Variants in NEDD4L observed in about 807,000 individuals in gnomAD.
The protein encoded by NEDD4L is E3 ubiquitin-protein ligase NEDD4-like.
NEDD4L carries 54 observed loss-of-function variants against 148.9 expected under a neutral mutation model. The ratio of observed to expected loss-of-function variants is 0.36; its 90% CI spans 0.29 to 0.45. The LOEUF is 0.45. Ranked by LOEUF, NEDD4L falls within the 20% of genes least tolerant of loss-of-function variation. The pLI is 1.00. For missense variants in NEDD4L, 856 were observed against 1,233.8 expected, an observed-to-expected ratio of 0.69 and a Z score of 4.59; for synonymous variants, 433 against 440.7, an observed-to-expected ratio of 0.98 and a Z score of 0.22.
intron 1 of NEDD4L, among the ~76,000 whole-genome samples, chr18:58,127,136 A>T (rs2031264466): frequency 6.6e-6 from 1 of 152,134 alleles, no homozygotes; most frequent in Non-Finnish European, 1.5e-5. Flanking sequence ...CTCCTGGCGG[A>T]CCAGAGCTAT....
chr18:58,220,486 GCTCCT>G lies in NEDD4L; in HGVS notation c.123-24938_123-24934del, dbSNP rs2043619965. 2.0e-5 allele frequency among the ~76,000 whole-genome samples: 3 copies of G among 152,026 alleles called. No individual in the cohort carries two copies. The South Asian group carries it at 6.2e-4, about 32-fold the overall frequency. ...TCTAGCTGAACCCTGGTGCCCACTTGCTCCTCTAAGCCTTCAGCAGTCCTCCCAGC... is the reference window on the plus strand; with the variant it reads ...TCTAGCTGAACCCTGGTGCCCACTTGCTAAGCCTTCAGCAGTCCTCCCAGC... On this transcript the variant is annotated intron_variant, in intron 2 of 30. Coordinates refer to ENST00000400345, the MANE Select transcript of NEDD4L (RefSeq NM_001144967.3).
intron 5 of NEDD4L, among the ~76,000 whole-genome samples, chr18:58,259,258 C>T (rs899209834): frequency 6.6e-6 from 1 of 152,100 alleles, no homozygotes; most frequent in Non-Finnish European, 1.5e-5. Context: ...ACAGGGGAAA[C>T]CCTTGTGATG....
chr18:58,187,571 A>G (rs2039613053), intron 2 of NEDD4L, among the ~76,000 whole-genome samples: 1 of 152,214 alleles, frequency 6.6e-6, no homozygotes, highest in Non-Finnish European at 1.5e-5. Flanking sequence ...TCTGTAGTAG[A>G]TGAAAATAGG....
intron 1 of NEDD4L, among the ~76,000 whole-genome samples, chr18:58,076,973 T>A (rs2083197653): frequency 6.6e-6 from 1 of 151,130 alleles, no homozygotes; most frequent in Non-Finnish European, 1.5e-5. Flanking sequence ...GCCTCAGCCT[T>A]CTGAGTAGCT....
intron 16 of NEDD4L, among the ~76,000 whole-genome samples, chr18:58,344,450 A>G (rs2042804146): frequency 6.6e-6 from 1 of 152,182 alleles, no homozygotes. Flanking sequence ...CAACATAGTG[A>G]TGACCAGAAA....
Position 58,322,446 on chromosome 18 carries a change from C to T in NEDD4L, c.370C>T (p.Arg124Ter), listed in dbSNP as rs1471095573. ...ACAGACAGAAGATCCAACCATGGAG[C>T]GACCCTATACATTTAAGGACTTTCT... ...HLPTEDPTME[R>*]PYTFKDFLLR... Residue 124 changes from arginine (R) to a stop codon, truncating the protein, a stop_gained, in exon 7 of 31, where the codon CGA becomes TGA. Coordinates refer to ENST00000400345, the MANE Select transcript of NEDD4L (RefSeq NM_001144967.3). LOFTEE classifies it high-confidence loss of function. 1.2e-6 allele frequency: 2 copies of T among 1,609,832 alleles called. No homozygotes were observed. The highest frequency in any genetic ancestry group is 1.7e-6 in the Non-Finnish European group (2 of 1,176,444).
intron 6 of NEDD4L, among the ~76,000 whole-genome samples, chr18:58,322,057 TC>T (rs1330350544): frequency 6.6e-6 from 1 of 152,246 alleles, no homozygotes; most frequent in Non-Finnish European, 1.5e-5. Context: ...TTCTGTTTAC[TC>T]CACCCATATG....
chr18:58,144,097 A>T (rs1441453453), intron 1 of NEDD4L, among the ~76,000 whole-genome samples: 1 of 148,640 alleles, frequency 6.7e-6, no homozygotes, highest in Non-Finnish European at 1.5e-5. Context: ...GACTCTGGTT[A>T]TATATTGAGA....
chr18:58,221,528 G>A (rs933813044), intron 2 of NEDD4L: 2 of 984,856 alleles, frequency 2.0e-6, no homozygotes, highest in African/African-American at 3.5e-5. Flanking sequence ...TGTCATTGAA[G>A]TGAATCATCA....
intron 5 of NEDD4L, among the ~76,000 whole-genome samples, chr18:58,298,572 C>T (rs970848094): frequency 3.3e-5 from 5 of 152,160 alleles, no homozygotes; most frequent in African/African-American, 1.2e-4. Flanking sequence ...ACGTTTAGAA[C>T]ATTGCTTTAA....
At chr18:58,123,358 C>T (rs534895054) in intron 1 of NEDD4L, among the ~76,000 whole-genome samples, 3 of 152,274 alleles carry the variant, frequency 2.0e-5, no homozygotes, top group Admixed American at 6.5e-5. Context: ...CTTCCGTTCC[C>T]AGCCTTCCCA....
At chr18:58,391,040 G>A (rs2049763827) in intron 29 of NEDD4L, among the ~76,000 whole-genome samples, 1 of 151,656 alleles carries the variant, frequency 6.6e-6, no homozygotes, top group East Asian at 1.9e-4. Flanking sequence ...GGTTTTGTAG[G>A]GTCATTTATA....
At chr18:58,189,148 C>A (rs1975045642) in intron 2 of NEDD4L, among the ~76,000 whole-genome samples, 2 of 152,156 alleles carry the variant, frequency 1.3e-5, no homozygotes, top group Non-Finnish European at 2.9e-5. Context: ...CTGCAAGTAC[C>A]TATTTTTAGA....
intron 2 of NEDD4L, among the ~76,000 whole-genome samples, chr18:58,216,204 G>A (rs573179524): frequency 6.6e-5 from 10 of 152,168 alleles, no homozygotes; most frequent in African/African-American, 2.2e-4. Context: ...AGGAGTGTTC[G>A]TAGAGAGGCA....
intron 1 of NEDD4L, among the ~76,000 whole-genome samples, chr18:58,080,072 G>GT (rs2083355931): frequency 6.6e-6 from 1 of 152,230 alleles, no homozygotes; most frequent in Non-Finnish European, 1.5e-5. Context: ...GTTGCCATGC[G>GT]TAACACCGTG....
At chr18:58,083,667 G>C (rs1052985010) in intron 1 of NEDD4L, among the ~76,000 whole-genome samples, 1 of 145,394 alleles carries the variant, frequency 6.9e-6, no homozygotes, top group Admixed American at 7.1e-5. Flanking sequence ...CAGCCTGGGC[G>C]ACAGAGCGAG....
chr18:58,373,064 AT>A (rs1215463335), intron 23 of NEDD4L, 109 bp from the exon 24 acceptor site: 1 of 678,934 alleles, frequency 1.5e-6, no homozygotes, highest in Non-Finnish European at 2.7e-6. Flanking sequence ...TTAGTAACAT[AT>A]TTCTTGAGCA....
chr18:58,372,846 A>AAAG (rs2047067328), intron 23 of NEDD4L, among the ~76,000 whole-genome samples: 1 of 139,200 alleles, frequency 7.2e-6, no homozygotes, highest in Admixed American at 7.1e-5. Context: ...AAAAAAAAAA[A>AAAG]AGAGAGAGAG....
intron 1 of NEDD4L, among the ~76,000 whole-genome samples, chr18:58,156,304 G>C (rs2035488873): frequency 6.6e-6 from 1 of 152,188 alleles, no homozygotes; most frequent in Non-Finnish European, 1.5e-5. Flanking sequence ...GCTATCTAGA[G>C]ATGCTTTAAT....
Sources: gnomAD v4.1 joint callset for allele counts (sites outside exome capture counted in the v4.1 genomes callset) on GRCh38, gnomAD v4.1.1 for gene constraint, MANE v1.5 for transcripts, NCBI Gene and HGNC (gene_info 2026-07-23, HGNC 2026-07-21) for gene names.